Variants in GNAO1 observed in about 807,000 individuals in gnomAD.
GNAO1 encodes the protein G protein subunit alpha o1.
For synonymous variants in GNAO1, 164 were observed against 180.7 expected (o/e 0.91, Z 0.74); for missense variants, 166 against 478.7 (o/e 0.35, Z 6.10).
At chr16:56,211,503 C>G (rs2036387694) in intron 2 of GNAO1, among the ~76,000 whole-genome samples, 1 of 152,302 alleles carries the variant, frequency 6.6e-6, no homozygotes, top group Non-Finnish European at 1.5e-5. Flanking sequence ...CATCTCTAGA[C>G]TTGTGCAGGC....
chr16:56,334,309 T>G (rs142832219), intron 4 of GNAO1, among the ~76,000 whole-genome samples: 175 of 152,342 alleles, frequency 1.1e-3, no homozygotes, highest in Middle Eastern at 6.8e-3. Flanking sequence ...GCAAGGTACT[T>G]ACCTTCGATG....
intron 2 of GNAO1, among the ~76,000 whole-genome samples, chr16:56,232,209 A>G (rs1489366188): frequency 6.6e-6 from 1 of 152,318 alleles, no homozygotes; most frequent in East Asian, 1.9e-4. Flanking sequence ...ATTCCACAAA[A>G]GCTTAGCAAG....
chr16:56,215,786 G>A (rs1459612889), intron 2 of GNAO1, among the ~76,000 whole-genome samples: 1 of 152,202 alleles, frequency 6.6e-6, no homozygotes, highest in Admixed American at 6.5e-5. Context: ...TGAAACTTCA[G>A]TATACATACA....
rs1223920767 is a variant in GNAO1 at position 56,356,324 on chromosome 16, G to A, written c.*250G>A. The A allele has an allele frequency of 6.6e-6, 1 of 152,620 alleles. No individual in the cohort carries two copies. Among genetic ancestry groups the A allele is most frequent in the African/African-American group, 2.4e-5 (1 of 41,448 alleles). The allele number at this position is 152,620 out of a possible 1,614,324, so 9.5% of individuals were successfully genotyped here. Reference sequence around the variant, plus strand: ...AAACAGAACATTTCTCATGTGCTTTGTAGCTTAAAAAAAGGAAAACTCACC... The same window carrying A: ...AAACAGAACATTTCTCATGTGCTTTATAGCTTAAAAAAAGGAAAACTCACC... On this transcript the variant is annotated 3_prime_UTR_variant, in exon 9 of 9. Transcript: ENST00000262493.
At chr16:56,265,488 ACAGTGGGATTC>A (rs1198828286) in intron 2 of GNAO1, among the ~76,000 whole-genome samples, 1 of 152,242 alleles carries the variant, frequency 6.6e-6, no homozygotes, top group African/African-American at 2.4e-5. Context: ...AACAACATGT[ACAGTGGGATTC>A]CATTTTAGGG....
At chr16:56,250,909 C>G (rs1456242982) in intron 2 of GNAO1, among the ~76,000 whole-genome samples, 1 of 152,226 alleles carries the variant, frequency 6.6e-6, no homozygotes, top group African/African-American at 2.4e-5. Context: ...AATATGTTGA[C>G]TTAGTCCCCA....
intron 6 of GNAO1, chr16:56,344,962 G>A (rs773528668): frequency 1.1e-5 from 11 of 982,396 alleles, no homozygotes; most frequent in South Asian, 4.7e-5. Context: ...GTTCACAGCC[G>A]TTGGTGTCTT....
chr16:56,211,389 T>G (rs1399739807), intron 2 of GNAO1, among the ~76,000 whole-genome samples: 1 of 152,162 alleles, frequency 6.6e-6, no homozygotes, highest in East Asian at 1.9e-4. Flanking sequence ...CATTTGAGCA[T>G]AGACACCCCC....
intron 2 of GNAO1, among the ~76,000 whole-genome samples, chr16:56,197,543 C>T (rs927854248): frequency 1.3e-5 from 2 of 152,170 alleles, no homozygotes; most frequent in African/African-American, 4.8e-5. Flanking sequence ...AATTCTTGAG[C>T]CTGGGTTACC....
chr16:56,261,539 A>G (rs959221948), intron 2 of GNAO1, among the ~76,000 whole-genome samples: 6 of 152,242 alleles, frequency 3.9e-5, no homozygotes, highest in Non-Finnish European at 7.3e-5. Context: ...TCAAGAGCCT[A>G]TGAAAAGCAT....
intron 2 of GNAO1, among the ~76,000 whole-genome samples, chr16:56,215,217 A>T (rs1270224649): frequency 6.6e-6 from 1 of 152,176 alleles, no homozygotes; most frequent in Non-Finnish European, 1.5e-5. Flanking sequence ...TGGTCTCTCC[A>T]GTTCTGTAAT....
chr16:56,338,310 G>A (rs1351481250), intron 6 of GNAO1, among the ~76,000 whole-genome samples: 2 of 152,168 alleles, frequency 1.3e-5, no homozygotes, highest in African/African-American at 2.4e-5. Context: ...AATGGCATCT[G>A]CAGGCAGTGA....
chr16:56,260,313 CTG>C (rs769927028), intron 2 of GNAO1, among the ~76,000 whole-genome samples: 16 of 152,152 alleles, frequency 1.1e-4, no homozygotes, highest in Non-Finnish European at 8.8e-5. Context: ...AGATGAGAGT[CTG>C]AGAGAGTGGA....
In GNAO1 at chr16:56,227,282, C is replaced by T. The variant is rs554218329; in HGVS notation, c.161+34666C>T. 4.6e-5 allele frequency among the ~76,000 whole-genome samples: 7 copies of T among 152,304 alleles called. No individual in the cohort carries two copies. In the South Asian group the frequency reaches 6.2e-4, roughly 14 times the overall value. ...TCTCACCACCTGCCCATTTGACACA[C>T]GTGACACTTGCTTGGCTCAGGAGGC... On this transcript the variant is annotated intron_variant, in intron 2 of 8. Transcript: ENST00000262493.
intron 6 of GNAO1, among the ~76,000 whole-genome samples, chr16:56,350,955 ATGCACACACAGG>A (rs1205660368): frequency 1.3e-5 from 2 of 151,722 alleles, no homozygotes; most frequent in Non-Finnish European, 1.5e-5. Flanking sequence ...GCACACAGGC[ATGCACACACAGG>A]TGCACACACA....
Position 56,311,555 on chromosome 16 carries a change from GC to G in GNAO1, c.304-17074del, listed in dbSNP as rs1403621407. On this transcript the variant is annotated intron_variant, in intron 3 of 8. Coordinates refer to ENST00000262493, the MANE Select transcript of GNAO1 (RefSeq NM_020988.3). This position sits in a 1 kb window ranked among gnomAD's most constrained non-coding sequence, Gnocchi z 5.2. ...AGAGAAAAACTGTTGGGGTGATGGC[GC>G]CTTGGCTGGAGCAGGCCACCCACCT... 6.6e-6 allele frequency among the ~76,000 whole-genome samples: 1 copy of G among 152,174 alleles called. No individual in the cohort carries two copies. Among genetic ancestry groups the G allele is most frequent in the East Asian group, 1.9e-4 (1 of 5,200 alleles).
At chr16:56,297,524 T>TGG (rs2037299274) in intron 3 of GNAO1, among the ~76,000 whole-genome samples, 1 of 24,194 alleles carries the variant, frequency 4.1e-5, no homozygotes, top group African/African-American at 1.4e-4. Flanking sequence ...GTCTAACTGG[T>TGG]GTGTGTGTGT....
chr16:56,192,387 C>G, intron 1 of GNAO1, 34 bp downstream of exon 1: 1 of 1,262,234 alleles, frequency 7.9e-7, no homozygotes. Flanking sequence ...CATCCCCCGA[C>G]CCCGGCCACT....
At chr16:56,228,800 A>G (rs1007924704) in intron 2 of GNAO1, among the ~76,000 whole-genome samples, 1 of 152,182 alleles carries the variant, frequency 6.6e-6, no homozygotes, top group Non-Finnish European at 1.5e-5. Context: ...AGACCACCCT[A>G]TGTAAATTAG....
Sources: allele counts gnomAD v4.1 joint callset (sites outside exome capture counted in the v4.1 genomes callset), GRCh38; gene constraint gnomAD v4.1.1; non-coding constraint Gnocchi (gnomAD v3.1); transcripts MANE v1.5; gene names NCBI Gene and HGNC (gene_info 2026-07-23, HGNC 2026-07-21).